Variants in EFR3A observed in about 807,000 individuals in gnomAD.
The protein encoded by EFR3A is protein EFR3 homolog A.
In EFR3A, 76 loss-of-function variants were observed where a neutral mutation model predicts 104.4. The ratio of observed to expected loss-of-function variants is 0.73; its 90% CI spans 0.60 to 0.88. EFR3A has a LOEUF of 0.88. EFR3A is among the 40% of genes least tolerant of loss of function. The pLI is 0.00. For missense variants in EFR3A, 985 were observed against 1,012.5 expected (o/e 0.97, Z 0.37); for synonymous variants, 330 against 330.0 (o/e 1.00, Z 0.00).
chr8:131,904,104 C>G lies in EFR3A; in HGVS notation c.-209C>G. 1 of 482,732 alleles carries G rather than the reference C, an allele frequency of 2.1e-6. No homozygotes were observed. The highest frequency in any genetic ancestry group is 3.2e-6 in the Non-Finnish European group (1 of 310,742). 29.9% of individuals were successfully genotyped at this position (482,732 alleles called of 1,614,324 possible). ...AACGGGCGTGGGTCGTCCGTCGCGCCGCCCGGCGAGGAGTGGGCTGGCGGC... is the reference window on the plus strand; with the variant it reads ...AACGGGCGTGGGTCGTCCGTCGCGCGGCCCGGCGAGGAGTGGGCTGGCGGC... On this transcript the variant is annotated 5_prime_UTR_variant, in exon 1 of 23. Coordinates refer to ENST00000254624, the MANE Select transcript of EFR3A (RefSeq NM_015137.6).
intron 22 of EFR3A, among the ~76,000 whole-genome samples, chr8:132,009,167 T>G (rs765509990): frequency 6.6e-6 from 1 of 152,048 alleles, no homozygotes; most frequent in African/African-American, 2.4e-5. Flanking sequence ...TCTGTGCATT[T>G]ATTAATTAAA....
At chr8:132,005,001 A>G (rs1821962205) in intron 22 of EFR3A, among the ~76,000 whole-genome samples, 1 of 152,246 alleles carries the variant, frequency 6.6e-6, no homozygotes, top group Non-Finnish European at 1.5e-5. Flanking sequence ...ACTAATACTT[A>G]CATTCATTGA....
chr8:131,966,371 G>A (rs2130684437), intron 8 of EFR3A, among the ~76,000 whole-genome samples: 1 of 152,204 alleles, frequency 6.6e-6, no homozygotes, highest in South Asian at 2.1e-4. Context: ...ATAGTACTTA[G>A]AAGAGTGCCA....
At chr8:131,938,260 C>T (rs1281815839) in intron 1 of EFR3A, 4 of 397,624 alleles carry the variant, frequency 1.0e-5, no homozygotes, top group Non-Finnish European at 1.8e-5. Flanking sequence ...CAGCTGAACT[C>T]GAAAAGCCTT....
At chr8:131,963,724 G>A (rs1586613252) in intron 8 of EFR3A, among the ~76,000 whole-genome samples, 1 of 152,116 alleles carries the variant, frequency 6.6e-6, no homozygotes, top group Admixed American at 6.5e-5. Flanking sequence ...CATTTTATGA[G>A]GCCAGCATCA....
chr8:131,904,437 G>C (rs1329073429), intron 1 of EFR3A, 115 bp downstream of exon 1: 42 of 1,015,172 alleles, frequency 4.1e-5, no homozygotes, highest in Non-Finnish European at 6.3e-6. Flanking sequence ...AGCAGAGCCA[G>C]GAAGTGTCTG....
intron 1 of EFR3A, among the ~76,000 whole-genome samples, chr8:131,924,725 A>G (rs1181477636): frequency 1.3e-5 from 2 of 152,120 alleles, no homozygotes; most frequent in Non-Finnish European, 2.9e-5. Context: ...TAATCAGTCC[A>G]ACTCAGAAAA....
chr8:131,984,260 A>G lies in EFR3A; in HGVS notation c.1697A>G (p.Glu566Gly), dbSNP rs148847170. Residue 566 changes from glutamate to glycine, a missense_variant, in exon 15 of 23, where the codon GAA becomes GGA. Physicochemically the swap from Glu to Gly is moderately conservative, Grantham distance 98. Transcript: ENST00000254624. ...ATAACTATTGAACTGGCTAATGAAG[A>G]AGTAGTTATTGATCTCATTCGACTG... Reference protein sequence around the residue: ...ALITIELANEEVVIDLIRLAI... With the variant: ...ALITIELANEGVVIDLIRLAI... 8.1e-5 allele frequency: 131 copies of G among 1,607,580 alleles called. No homozygotes were observed. Among genetic ancestry groups the G allele is most frequent in the Non-Finnish European group, 1.1e-4 (129 of 1,177,144 alleles).
intron 8 of EFR3A, among the ~76,000 whole-genome samples, chr8:131,961,779 GA>G (rs1402117408): frequency 6.6e-6 from 1 of 152,208 alleles, no homozygotes; most frequent in Non-Finnish European, 1.5e-5. Flanking sequence ...AAGTTGAAAT[GA>G]AGGAAAAAAT....
intron 1 of EFR3A, among the ~76,000 whole-genome samples, chr8:131,913,274 C>T (rs565648035): frequency 1.3e-4 from 20 of 151,594 alleles, no homozygotes; most frequent in African/African-American, 1.9e-4. Context: ...GTGTATTTGC[C>T]GGGTTTATTC....
intron 18 of EFR3A, among the ~76,000 whole-genome samples, chr8:131,990,692 T>C (rs1417392111): frequency 6.6e-6 from 1 of 152,180 alleles, no homozygotes; most frequent in African/African-American, 2.4e-5. Context: ...GGGTGACTAT[T>C]TATTTTGATG....
intron 2 of EFR3A, among the ~76,000 whole-genome samples, chr8:131,943,886 TGAGAGAG>T (rs138478617): frequency 0.02 from 2,990 of 152,100 alleles, 44 homozygotes; most frequent in South Asian, 0.042. Flanking sequence ...ATTTGCTGTC[TGAGAGAG>T]GAGAGAGGCA....
Position 131,904,134 on chromosome 8 carries a change from G to C in EFR3A, c.-179G>C, listed in dbSNP as rs1467788584. Reference sequence around the variant, plus strand: ...GGCGAGGAGTGGGCTGGCGGCGGTAGCTGTCGCCCGCTTGGTTGCGTGACC... The same window carrying C: ...GGCGAGGAGTGGGCTGGCGGCGGTACCTGTCGCCCGCTTGGTTGCGTGACC... On this transcript the variant is annotated 5_prime_UTR_variant, in exon 1 of 23. Coordinates refer to ENST00000254624, the MANE Select transcript of EFR3A (RefSeq NM_015137.6). 3.1e-6 allele frequency: 2 copies of C among 644,042 alleles called. No individual in the cohort carries two copies. The highest frequency in any genetic ancestry group is 3.6e-5 in the East Asian group (1 of 27,554). The allele number at this position is 644,042 out of a possible 1,614,324, so 39.9% of individuals were successfully genotyped here. A position where few individuals can be genotyped will look rare whatever the true frequency, so the allele number is the denominator to read the frequency against.
At chr8:131,969,798 T>C (rs1379476631) in intron 9 of EFR3A, among the ~76,000 whole-genome samples, 1 of 152,198 alleles carries the variant, frequency 6.6e-6, no homozygotes, top group Non-Finnish European at 1.5e-5. Flanking sequence ...GATTAATGTC[T>C]ACTGTGTGTT....
At chr8:131,942,416 A>G (rs1388923102) in intron 2 of EFR3A, among the ~76,000 whole-genome samples, 1 of 152,108 alleles carries the variant, frequency 6.6e-6, no homozygotes, top group Non-Finnish European at 1.5e-5. Flanking sequence ...CCCTGCCTTG[A>G]AAGAGAAATC....
Position 131,954,370 on chromosome 8 carries a change from G to C in EFR3A, c.638+403G>C, listed in dbSNP as rs116010962. On this transcript the variant is annotated intron_variant, in intron 6 of 22. Coordinates refer to ENST00000254624, the MANE Select transcript of EFR3A (RefSeq NM_015137.6). The stretch of plus-strand genomic sequence containing the variant: ...AGTTAGAACTAACCAAAATAATAAT[G>C]ATAATGATAATAATAGCTACCCACA... 5.8e-3 allele frequency among the ~76,000 whole-genome samples: 882 copies of C among 151,932 alleles called. 9 individuals carry two copies. The highest frequency in any genetic ancestry group is 0.02 in the African/African-American group (840 of 41,502).
At chr8:131,937,366 C>T (rs777899735) in intron 1 of EFR3A, among the ~76,000 whole-genome samples, 9 of 152,102 alleles carry the variant, frequency 5.9e-5, no homozygotes, top group Non-Finnish European at 1.0e-4. Flanking sequence ...GACTAAGGCT[C>T]AGAGAGCTGT....
chr8:131,938,151 A>T (rs1374011322), intron 1 of EFR3A: 5 of 395,742 alleles, frequency 1.3e-5, no homozygotes, highest in Non-Finnish European at 2.2e-5. Context: ...AGTAAAGTGA[A>T]CTAGGCACTT....
chr8:131,943,479 G>A (rs1818264774), intron 2 of EFR3A, among the ~76,000 whole-genome samples: 1 of 152,050 alleles, frequency 6.6e-6, no homozygotes, highest in Non-Finnish European at 1.5e-5. Flanking sequence ...CTAACTAACT[G>A]ATGGAGCCAG....
Sources: gnomAD v4.1 joint callset for allele counts (sites outside exome capture counted in the v4.1 genomes callset) on GRCh38, gnomAD v4.1.1 for gene constraint, MANE v1.5 for transcripts, NCBI Gene and HGNC (gene_info 2026-07-23, HGNC 2026-07-21) for gene names.